Variants in COL19A1 observed in about 807,000 individuals in gnomAD.
COL19A1 encodes the protein collagen alpha-1(XIX) chain.
COL19A1 carries 159 observed loss-of-function variants against 190.2 expected under a neutral mutation model. That is an observed-to-expected ratio of 0.84 (90% CI 0.73 to 0.95). The LOEUF (loss-of-function observed/expected upper bound fraction) is 0.95. COL19A1 is among the 40% of genes least tolerant of loss of function. The pLI, the probability that COL19A1 is intolerant of heterozygous loss-of-function variation, is 0.00. For synonymous variants in COL19A1, 509 were observed against 458.9 expected (o/e 1.11, Z -1.39); for missense variants, 1,418 against 1,431.9 (o/e 0.99, Z 0.16).
chr6:70,142,715 C>CTTT (rs3831024), intron 22 of COL19A1, 52 bp from the exon 23 acceptor site: 12 of 1,425,404 alleles, frequency 8.4e-6, no homozygotes, highest in Admixed American at 2.0e-5. Context: ...TACAATCTAT[C>CTTT]TTTTTTTTTC....
chr6:69,958,660 G>T (rs1774581204), intron 9 of COL19A1, among the ~76,000 whole-genome samples: 1 of 152,126 alleles, frequency 6.6e-6, no homozygotes, highest in East Asian at 1.9e-4. Flanking sequence ...ATACTGTGAT[G>T]ATAGCTGTTT....
At chr6:70,058,562 A>T (rs1780642902) in intron 14 of COL19A1, among the ~76,000 whole-genome samples, 1 of 152,060 alleles carries the variant, frequency 6.6e-6, no homozygotes, top group Admixed American at 6.6e-5. Flanking sequence ...TTCCTAGTAC[A>T]CACTGACTAC....
At chr6:70,106,428 A>C (rs1783972630) in intron 16 of COL19A1, among the ~76,000 whole-genome samples, 1 of 152,038 alleles carries the variant, frequency 6.6e-6, no homozygotes, top group African/African-American at 2.4e-5. Context: ...TAATAATGGA[A>C]AATTTACTAA....
intron 15 of COL19A1, among the ~76,000 whole-genome samples, chr6:70,099,134 T>G (rs1001177705): frequency 1.7e-4 from 26 of 150,118 alleles, no homozygotes; most frequent in Non-Finnish European, 3.0e-4. Flanking sequence ...TCTGTTATGC[T>G]CTAAAGCTTC....
intron 17 of COL19A1, among the ~76,000 whole-genome samples, chr6:70,129,609 C>T (rs1004281291): frequency 2.0e-5 from 3 of 152,308 alleles, no homozygotes; most frequent in African/African-American, 4.8e-5. Flanking sequence ...CCAGCTCTTA[C>T]GGAGGCAGAG....
chr6:69,979,582 T>A (rs1307592149), intron 11 of COL19A1, among the ~76,000 whole-genome samples: 1 of 151,796 alleles, frequency 6.6e-6, no homozygotes, highest in Non-Finnish European at 1.5e-5. Flanking sequence ...ATATGCAGAA[T>A]TTAGACTTAA....
intron 11 of COL19A1, among the ~76,000 whole-genome samples, chr6:70,010,573 C>T (rs1777935978): frequency 7.1e-6 from 1 of 141,626 alleles, no homozygotes; most frequent in Non-Finnish European, 1.5e-5. Flanking sequence ...AGGGAGTTCC[C>T]TTTCCGAGTC....
In COL19A1 at chr6:70,207,230, C is replaced by T. The variant is rs1221458456; in HGVS notation, c.3385C>T (p.Leu1129Phe). The change falls in exon 51 of 51, where the codon CTC becomes TTC. Residue 1129 changes from leucine (L) to phenylalanine (F), a missense_variant. By Grantham distance (22) the Leu-to-Phe change is conservative. Transcript: ENST00000620364. ...PSGRCNPEDC[L>F]YPVSHAHQRT... Reference sequence around the variant, plus strand: ...TGGAAGATGTAACCCAGAAGATTGCCTCTATCCTGTGTCTCATGCCCATCA... The same window carrying T: ...TGGAAGATGTAACCCAGAAGATTGCTTCTATCCTGTGTCTCATGCCCATCA... 7 of 1,614,054 alleles carry T rather than the reference C, an allele frequency of 4.3e-6. No homozygotes were observed. The East Asian group carries it at 1.3e-4, about 31-fold the overall frequency.
chr6:70,065,842 A>G lies in COL19A1; in HGVS notation c.1171-2581A>G, dbSNP rs561522331. ...TCAAAAGAAGATATTTATGCAGCCAACAGACACATGAAAAAATGCTCATCA... is the reference window on the plus strand; with the variant it reads ...TCAAAAGAAGATATTTATGCAGCCAGCAGACACATGAAAAAATGCTCATCA... On this transcript the variant is annotated intron_variant, in intron 14 of 50. Coordinates refer to ENST00000620364, the MANE Select transcript of COL19A1 (RefSeq NM_001858.6). Among the ~76,000 whole-genome samples the G allele has an allele frequency of 4.6e-5, 7 of 152,372 alleles. No individual in the cohort carries two copies. In the South Asian group the frequency reaches 1.4e-3, roughly 32 times the overall value.
chr6:69,920,731 T>C (rs1360556235), intron 4 of COL19A1, among the ~76,000 whole-genome samples: 4 of 151,618 alleles, frequency 2.6e-5, no homozygotes, highest in Non-Finnish European at 5.9e-5. Context: ...AGTAGACAAT[T>C]TAAAAAAAGG....
chr6:70,128,381 A>C (rs915502202), intron 17 of COL19A1, among the ~76,000 whole-genome samples: 6 of 152,216 alleles, frequency 3.9e-5, no homozygotes, highest in African/African-American at 1.4e-4. Flanking sequence ...TCCTGAGGAA[A>C]TCCAACCTCT....
chr6:70,150,220 C>T (rs1287634409), intron 30 of COL19A1, among the ~76,000 whole-genome samples, 175 bp downstream of exon 30: 1 of 152,076 alleles, frequency 6.6e-6, no homozygotes, highest in Non-Finnish European at 1.5e-5. Flanking sequence ...ATCAGCATTT[C>T]TGTGTGTGTG....
chr6:70,174,369 A>G (rs1429204469), intron 41 of COL19A1, among the ~76,000 whole-genome samples: 3 of 152,174 alleles, frequency 2.0e-5, no homozygotes, highest in African/African-American at 7.2e-5. Context: ...GGAGTTCAAG[A>G]CCAGCCTGGC....
At chr6:70,105,933 T>C (rs1482550290) in intron 16 of COL19A1, among the ~76,000 whole-genome samples, 4 of 152,198 alleles carry the variant, frequency 2.6e-5, no homozygotes, top group African/African-American at 9.6e-5. Context: ...AATTAGTCTT[T>C]AGGAAAGTTG....
intron 11 of COL19A1, among the ~76,000 whole-genome samples, chr6:70,020,260 A>G (rs1327671063): frequency 6.6e-6 from 1 of 151,912 alleles, no homozygotes; most frequent in Non-Finnish European, 1.5e-5. Context: ...ACTACATGAT[A>G]TTTTCCCCCA....
intron 11 of COL19A1, 75 bp downstream of exon 11, chr6:69,962,945 C>A: frequency 8.0e-7 from 1 of 1,243,024 alleles, no homozygotes; most frequent in South Asian, 1.3e-5. Context: ...AAATATTTAA[C>A]TTGTTTTGTG....
chr6:70,105,304 C>T (rs760902848), intron 16 of COL19A1, among the ~76,000 whole-genome samples: 3 of 151,932 alleles, frequency 2.0e-5, no homozygotes, highest in Non-Finnish European at 4.4e-5. Flanking sequence ...ACTACAGCTG[C>T]GCACCACCAC....
chr6:70,055,221 A>G (rs1009094669), intron 14 of COL19A1, among the ~76,000 whole-genome samples: 2 of 152,250 alleles, frequency 1.3e-5, no homozygotes, highest in African/African-American at 2.4e-5. Context: ...GTTTGATAGT[A>G]CACTATGTTA....
intron 4 of COL19A1, among the ~76,000 whole-genome samples, chr6:69,901,880 A>G (rs1370283180): frequency 1.3e-5 from 2 of 152,220 alleles, no homozygotes; most frequent in Non-Finnish European, 2.9e-5. Context: ...ATGTGAGAAG[A>G]CTTAGCTAAT....
Sources: gnomAD v4.1 joint callset for allele counts (sites outside exome capture counted in the v4.1 genomes callset) on GRCh38, gnomAD v4.1.1 for gene constraint, MANE v1.5 for transcripts, NCBI Gene and HGNC (gene_info 2026-07-23, HGNC 2026-07-21) for gene names.